TSPAN15: variants seen among roughly 807,000 people sequenced by gnomAD.
TSPAN15 encodes the protein tetraspanin-15.
TSPAN15 carries 20 observed loss-of-function variants against 34.5 expected under a neutral mutation model. The observed-to-expected ratio is 0.58, with a 90% CI of 0.41 to 0.84. The LOEUF (loss-of-function observed/expected upper bound fraction) is 0.84, where lower values mean the gene tolerates loss of function less well. Among genes scored for constraint, TSPAN15 ranks in the 40% least tolerant of loss-of-function variants. The pLI is 0.00. For missense variants in TSPAN15, 313 were observed against 386.1 expected (o/e 0.81, Z 1.59); for synonymous variants, 155 against 153.9 (o/e 1.01, Z -0.05).
At chr10:69,509,092 G>C (rs1026510628), downstream of TSPAN15, among the ~76,000 whole-genome samples, 2 of 152,208 alleles carry the variant, frequency 1.3e-5, no homozygotes, top group African/African-American at 4.8e-5. Flanking sequence ...GGAGACGGCA[G>C]CTGCCTTTAG....
intron 1 of TSPAN15, among the ~76,000 whole-genome samples, chr10:69,471,187 A>G (rs1357474060): frequency 2.0e-5 from 3 of 152,164 alleles, no homozygotes; most frequent in Admixed American, 1.3e-4. Context: ...GTTTTCTTTC[A>G]TTGCTCTCGT....
chr10:69,462,805 C>T (rs192829605), intron 1 of TSPAN15, among the ~76,000 whole-genome samples: 15 of 152,318 alleles, frequency 9.8e-5, no homozygotes, highest in African/African-American at 2.4e-4. Context: ...ACATCTCTTA[C>T]GATCTGGACA....
At chr10:69,517,727 C>G in the TSPAN15 span, among the ~76,000 whole-genome samples, 2 of 152,204 alleles carry the variant, frequency 1.3e-5, no homozygotes, top group Middle Eastern at 3.2e-3. Context: ...CAGGACCCGG[C>G]TGGCACCACA....
intron 5 of TSPAN15, among the ~76,000 whole-genome samples, chr10:69,503,167 C>T (rs1842245286): frequency 1.3e-5 from 2 of 152,154 alleles, no homozygotes; most frequent in African/African-American, 4.8e-5. Context: ...GGGCACTGGG[C>T]ATGGCTGGGA....
At chr10:69,504,798 C>T (rs957383597) in intron 6 of TSPAN15, among the ~76,000 whole-genome samples, 1 of 152,184 alleles carries the variant, frequency 6.6e-6, no homozygotes, top group African/African-American at 2.4e-5. Flanking sequence ...TGCTCAGCAC[C>T]AGCTTGCCTC....
chr10:69,531,938 A>C, the TSPAN15 span, among the ~76,000 whole-genome samples: 1 of 126,382 alleles, frequency 7.9e-6, no homozygotes, highest in African/African-American at 2.9e-5. Flanking sequence ...AACAAAACAA[A>C]ACAAAAAAAA....
intron 1 of TSPAN15, among the ~76,000 whole-genome samples, chr10:69,467,622 A>C (rs1480878474): frequency 2.1e-5 from 3 of 142,042 alleles, no homozygotes; most frequent in African/African-American, 7.8e-5. Context: ...TCCTCTAAAC[A>C]AAACAAAACA....
chr10:69,468,061 C>T (rs1470353799), intron 1 of TSPAN15, among the ~76,000 whole-genome samples: 2 of 152,140 alleles, frequency 1.3e-5, no homozygotes, highest in Non-Finnish European at 1.5e-5. Flanking sequence ...TTCAGAAAGC[C>T]AATTAGGAAA....
At chr10:69,488,146 C>G (rs1841893563) in intron 3 of TSPAN15, among the ~76,000 whole-genome samples, 1 of 152,158 alleles carries the variant, frequency 6.6e-6, no homozygotes, top group South Asian at 2.1e-4. Context: ...TTTTCTCCTC[C>G]CCTTTATATT....
rs145768435 is a variant in TSPAN15, at chr10:69,486,036, C to T, written c.357+821C>T. Among the ~76,000 whole-genome samples the T allele has an allele frequency of 1.3e-4, 20 of 152,312 alleles. 1 individual carries two copies. The East Asian group carries it at 3.7e-3, about 28-fold the overall frequency. The stretch of plus-strand genomic sequence containing the variant: ...CTCCAGCTCCTTCAGGCAGGATGTA[C>T]GCACCTCATACTAGCTGTGCCACCT... On this transcript the variant is annotated intron_variant, in intron 3 of 7. Transcript: ENST00000373290.
chr10:69,541,446 A>T, the TSPAN15 span, among the ~76,000 whole-genome samples: 1 of 152,212 alleles, frequency 6.6e-6, no homozygotes, highest in African/African-American at 2.4e-5. Context: ...AAAACAAAGG[A>T]ACTACATGCA....
In TSPAN15 at chr10:69,485,228, A is replaced by G; in HGVS notation, c.357+13A>G. 6.2e-7 allele frequency: 1 copy of G among 1,613,564 alleles called. No individual in the cohort carries two copies. Among genetic ancestry groups the G allele is most frequent in the Non-Finnish European group, 8.5e-7 (1 of 1,179,712 alleles). On this transcript the variant is annotated intron_variant, in intron 3 of 7. Transcript: ENST00000373290. The stretch of plus-strand genomic sequence containing the variant: ...CTTCCGGAACCAGGTGGGCCTGTGG[A>G]TTTGTGTATCGGCCATGTGTGTATG...
the TSPAN15 span, among the ~76,000 whole-genome samples, chr10:69,541,451 C>T: frequency 2.6e-5 from 4 of 152,234 alleles, no homozygotes; most frequent in Non-Finnish European, 5.9e-5. Context: ...AAAGGAACTA[C>T]ATGCAAGTCC....
At chr10:69,451,965 C>A (rs12413525) in intron 1 of TSPAN15, among the ~76,000 whole-genome samples, 33,989 of 152,286 alleles carry the variant, frequency 0.22, 3,828 homozygotes, top group Non-Finnish European at 0.25. Flanking sequence ...CGCTGTGCGT[C>A]CGCTGGCCGG....
At chr10:69,520,144 C>T in the TSPAN15 span, among the ~76,000 whole-genome samples, 1 of 152,184 alleles carries the variant, frequency 6.6e-6, no homozygotes, top group African/African-American at 2.4e-5. Flanking sequence ...TAAACAGAAA[C>T]TCTTCACCCA....
At chr10:69,487,911 T>C (rs7917495) in intron 3 of TSPAN15, among the ~76,000 whole-genome samples, 11,150 of 152,128 alleles carry the variant, frequency 0.073, 1,333 homozygotes, top group African/African-American at 0.25. Context: ...CCCTCATGGG[T>C]AGGGCCTTGG....
At chr10:69,483,916 G>GAGAGCTGGGGC in intron 2 of TSPAN15, 40 bp downstream of exon 2, 1 of 1,585,778 alleles carries the variant, frequency 6.3e-7, no homozygotes, top group Non-Finnish European at 8.6e-7. Flanking sequence ...GACTCCCCAG[G>GAGAGCTGGGGC]AGAGCTGGGG....
intron 1 of TSPAN15, among the ~76,000 whole-genome samples, chr10:69,472,034 A>G (rs73269834): frequency 0.062 from 9,457 of 152,272 alleles, 1,015 homozygotes; most frequent in African/African-American, 0.22. Context: ...GAGTTCTGAG[A>G]CCAAAAACTT....
the TSPAN15 span, among the ~76,000 whole-genome samples, chr10:69,529,326 G>T: frequency 6.8e-6 from 1 of 147,868 alleles, no homozygotes; most frequent in Non-Finnish European, 1.5e-5. Context: ...GCTCATCCCC[G>T]CTGCAGCAAG....
Sources: gnomAD v4.1 joint callset for allele counts (sites outside exome capture counted in the v4.1 genomes callset) on GRCh38, gnomAD v4.1.1 for gene constraint, MANE v1.5 for transcripts, NCBI Gene and HGNC (gene_info 2026-07-23, HGNC 2026-07-21) for gene names.